Variants in SLC22A5 observed in about 807,000 individuals in gnomAD.
SLC22A5 encodes the protein solute carrier family 22 member 5, also known as organic cation/carnitine transporter 2.
In SLC22A5, 44 loss-of-function variants were observed where a neutral mutation model predicts 56.7. The ratio of observed to expected loss-of-function variants is 0.78; its 90% CI spans 0.61 to 1.00. SLC22A5 has a LOEUF of 1.00. SLC22A5 is among the 50% of genes least tolerant of loss of function. The pLI, the probability that SLC22A5 is intolerant of heterozygous loss-of-function variation, is 0.00. For missense variants in SLC22A5, 675 were observed against 723.0 expected (o/e 0.93, Z 0.76); for synonymous variants, 278 against 292.1 (o/e 0.95, Z 0.49).
chr5:132,377,971 T>G (rs1344775814), intron 1 of SLC22A5: 2 of 847,200 alleles, frequency 2.4e-6, no homozygotes. Context: ...CCCAGAGCCC[T>G]GCTTCCAGAA....
intron 1 of SLC22A5, among the ~76,000 whole-genome samples, chr5:132,373,030 T>A (rs907838010): frequency 2.0e-5 from 3 of 152,232 alleles, no homozygotes; most frequent in African/African-American, 7.2e-5. Context: ...ATACATGTAG[T>A]ACCAAACTTT....
At chr5:132,375,424 G>A (rs561866294) in intron 1 of SLC22A5, among the ~76,000 whole-genome samples, 5 of 152,302 alleles carry the variant, frequency 3.3e-5, no homozygotes, top group South Asian at 2.1e-4. Flanking sequence ...CTGTTGATAC[G>A]GTCAGGCTAG....
intron 2 of SLC22A5, chr5:132,381,407 A>G (rs949241004): frequency 1.3e-5 from 2 of 152,184 alleles, no homozygotes; most frequent in Non-Finnish European, 2.9e-5. Context: ...TTCAATTCCC[A>G]ATGCCCTGCC....
chr5:132,370,313 T>C lies in SLC22A5; in HGVS notation c.341T>C (p.Leu114Pro), dbSNP rs11544587. 6.2e-7 allele frequency: 1 copy of C among 1,611,548 alleles called. No individual in the cohort carries two copies. The highest frequency in any genetic ancestry group is 1.7e-5 in the Admixed American group (1 of 59,802). ...DLGQLEQESCLDGWEFSQDVY... is the reference protein window; with the variant it reads ...DLGQLEQESCPDGWEFSQDVY... ...GGGCAGCTGGAGCAGGAGAGCTGTC[T>C]GGATGGCTGGGAGTTCAGTCAGGAC... The change falls in exon 1 of 10, where the codon CTG becomes CCG. Residue 114 changes from leucine to proline, a missense_variant. Physicochemically the swap from Leu to Pro is moderately conservative, Grantham distance 98. Transcript: ENST00000245407.
At chr5:132,385,656 A>G (rs1752503515) in intron 4 of SLC22A5, among the ~76,000 whole-genome samples, 157 bp downstream of exon 4, 1 of 152,272 alleles carries the variant, frequency 6.6e-6, no homozygotes, top group South Asian at 2.1e-4. Flanking sequence ...CACACTCAAA[A>G]GAGCCAAAAC....
At chr5:132,372,710 T>C (rs1372665209) in intron 1 of SLC22A5, among the ~76,000 whole-genome samples, 1 of 152,268 alleles carries the variant, frequency 6.6e-6, no homozygotes, top group Non-Finnish European at 1.5e-5. Flanking sequence ...TGTTTTGGGC[T>C]ACTGGAATGC....
At position 132,390,850 on chromosome 5, in the gene SLC22A5, A is replaced by C. The variant is rs766267814; in HGVS notation, c.1213A>C (p.Thr405Pro). The change falls in exon 7 of 10, where the codon ACT (threonine) becomes CCT (proline). Residue 405 changes from threonine to proline, a missense_variant. Physicochemically the swap from Thr to Pro is conservative, Grantham distance 38 (BLOSUM62 -1). Transcript: ENST00000245407. Reference sequence around the variant, plus strand: ...TTTGCCCCGGCGCTATTCCATGGCCACTGCCCTCTTCCTGGGTGGCAGTGT... The same window carrying C: ...TTTGCCCCGGCGCTATTCCATGGCCCCTGCCCTCTTCCTGGGTGGCAGTGT... Reference protein sequence around the residue: ...QYLPRRYSMATALFLGGSVLL... With the variant: ...QYLPRRYSMAPALFLGGSVLL... 6.2e-7 allele frequency: 1 copy of C among 1,614,206 alleles called. No homozygotes were observed. Among genetic ancestry groups the C allele is most frequent in the South Asian group, 1.1e-5 (1 of 91,080 alleles).
At chr5:132,378,822 C>T (rs1164691203) in intron 2 of SLC22A5, 1 of 368,606 alleles carries the variant, frequency 2.7e-6, no homozygotes, top group Non-Finnish European at 5.2e-6. Flanking sequence ...GAGAGGTTGA[C>T]ATCATGCACA....
chr5:132,387,046 A>G lies in SLC22A5; in HGVS notation c.846A>G (p.Arg282=). Residue 282 remains arginine (R), a synonymous_variant, in exon 5 of 10, where the codon CGA becomes CGG. Coordinates refer to ENST00000245407, the MANE Select transcript of SLC22A5 (RefSeq NM_003060.4). ...ALWWFIPESP[R]WLISQGRFEE... ...CCAGGTTCATCCCTGAGTCCCCCCGATGGCTCATCTCTCAGGGACGATTTG... is the reference window on the plus strand; with the variant it reads ...CCAGGTTCATCCCTGAGTCCCCCCGGTGGCTCATCTCTCAGGGACGATTTG... 1 of 1,614,114 alleles carries G rather than the reference A, an allele frequency of 6.2e-7. No homozygotes were observed. Among genetic ancestry groups the G allele is most frequent in the Non-Finnish European group, 8.5e-7 (1 of 1,179,972 alleles).
intron 6 of SLC22A5, chr5:132,389,456 T>A (rs1231730025): frequency 2.6e-5 from 8 of 304,090 alleles, no homozygotes; most frequent in Non-Finnish European, 4.5e-5. Flanking sequence ...GATGTGCTCC[T>A]CCTGGGATGT....
chr5:132,384,004 C>A, intron 2 of SLC22A5, 143 bp from the exon 3 acceptor site: 2 of 821,304 alleles, frequency 2.4e-6, no homozygotes, highest in Non-Finnish European at 4.1e-6. Context: ...ACTGTGAGAC[C>A]GAGACTGTCC....
rs764869356 is a variant in SLC22A5, at chr5:132,390,858, C to T, written c.1221C>T (p.Leu407=). 1 of 1,614,260 alleles carries T rather than the reference C, an allele frequency of 6.2e-7. No homozygotes were observed. Among genetic ancestry groups the T allele is most frequent in the South Asian group, 1.1e-5 (1 of 91,090 alleles). ...GGCGCTATTCCATGGCCACTGCCCT[C>T]TTCCTGGGTGGCAGTGTCCTTCTCT... is the stretch of plus-strand genomic sequence containing the variant. ...LPRRYSMATA[L]FLGGSVLLFM... is the part of the protein sequence containing the mutation. The change falls in exon 7 of 10, where the codon CTC becomes CTT. Residue 407 remains leucine (L), a synonymous_variant. Transcript: ENST00000245407.
chr5:132,394,564 T>G lies in SLC22A5; in HGVS notation c.*292T>G. The G allele has an allele frequency of 2.1e-6, 1 of 485,144 alleles. No individual in the cohort carries two copies. The highest frequency in any genetic ancestry group is 3.7e-6 in the Non-Finnish European group (1 of 269,792). The allele number at this position is 485,144 out of a possible 1,614,324, so 30.1% of individuals were successfully genotyped here. A position where few individuals can be genotyped will look rare whatever the true frequency, so the allele number is the denominator to read the frequency against. ...GCAGTTAATTTTTCACTAGAACCAG[T>G]GAGATCTGGAGGAATGTGAGAAGCA... On this transcript the variant is annotated 3_prime_UTR_variant, in exon 10 of 10. Coordinates refer to ENST00000245407, the MANE Select transcript of SLC22A5 (RefSeq NM_003060.4).
At chr5:132,389,089 T>C in intron 6 of SLC22A5, 68 bp downstream of exon 6, 1 of 960,644 alleles carries the variant, frequency 1.0e-6, no homozygotes, top group Admixed American at 1.7e-5. Context: ...GGCCTCTTGT[T>C]TACAGACATG....
At chr5:132,390,145 C>A in intron 6 of SLC22A5, 1 of 194,096 alleles carries the variant, frequency 5.2e-6, no homozygotes, top group Non-Finnish European at 1.1e-5. Flanking sequence ...CCTCTGTGCT[C>A]CACAAGTACC....
intron 4 of SLC22A5, 100 bp from the exon 5 acceptor site, chr5:132,386,925 G>A (rs1028999818): frequency 1.6e-6 from 2 of 1,276,540 alleles, no homozygotes; most frequent in Non-Finnish European, 2.3e-6. Context: ...CACAAGCTCT[G>A]GTTCTGCAAC....
rs274558 is a variant in SLC22A5, at chr5:132,385,482, A to G, written c.807A>G (p.Leu269=). 0.4 allele frequency: 652,750 copies of G among 1,613,282 alleles called. 137,840 individuals are homozygous for G. Among genetic ancestry groups the G allele is most frequent in the East Asian group, 0.67 (29,964 of 44,850 alleles). The stretch of plus-strand genomic sequence containing the variant: ...TGGCGCTGACGATGCCGGGGGTGCT[A>G]TGCGTGGCACTCTGGTGGTGAGTGT... The part of the protein sequence containing the change: ...LLVALTMPGV[L]CVALWWFIPE... Residue 269 remains leucine (L), a synonymous_variant, in exon 4 of 10, where the codon CTA becomes CTG. Coordinates refer to ENST00000245407, the MANE Select transcript of SLC22A5 (RefSeq NM_003060.4).
intron 1 of SLC22A5, chr5:132,376,861 C>T (rs1752157764): frequency 6.6e-6 from 1 of 152,344 alleles, no homozygotes; most frequent in Non-Finnish European, 1.5e-5. Flanking sequence ...ATTTAGCAGC[C>T]ATGTGTGGGT....
Position 132,369,862 on chromosome 5 carries a change from G to A in SLC22A5, c.-111G>A. 1.4e-6 allele frequency: 2 copies of A among 1,439,464 alleles called. No individual in the cohort carries two copies. Among genetic ancestry groups the A allele is most frequent in the Non-Finnish European group, 1.9e-6 (2 of 1,075,424 alleles). 89.2% of individuals were successfully genotyped at this position (1,439,464 alleles called of 1,614,324 possible). A position where few individuals can be genotyped will look rare whatever the true frequency, so the allele number is the denominator to read the frequency against. The stretch of plus-strand genomic sequence containing the variant: ...AGCCTACCCTCCGCGGACGGTCTTG[G>A]GTCGCCTGCTGCCTGGCTTGCCTGG... On this transcript the variant is annotated 5_prime_UTR_variant, in exon 1 of 10. Transcript: ENST00000245407.
Sources: allele counts gnomAD v4.1 joint callset (sites outside exome capture counted in the v4.1 genomes callset), GRCh38; gene constraint gnomAD v4.1.1; transcripts MANE v1.5; gene names NCBI Gene and HGNC (gene_info 2026-07-23, HGNC 2026-07-21).